ABCG1: variants seen among roughly 807,000 people sequenced by gnomAD.
The protein encoded by ABCG1 is ATP binding cassette subfamily G member 1.
In ABCG1, 29 loss-of-function variants were observed where a neutral mutation model predicts 69.2. That is an observed-to-expected ratio of 0.42 (90% CI 0.31 to 0.57). The LOEUF (loss-of-function observed/expected upper bound fraction) is 0.57. ABCG1 is among the 20% of genes least tolerant of loss of function. The probability of loss-of-function intolerance (pLI) is 0.15; values close to 1 mark genes in which losing one functional copy is unlikely to be tolerated. For synonymous variants in ABCG1, 370 were observed against 374.8 expected (o/e 0.99, Z 0.15); for missense variants, 718 against 898.1 (o/e 0.80, Z 2.56).
At chr21:42,256,757 G>A (rs2068312605) in intron 2 of ABCG1, 1 of 1,330,222 alleles carries the variant, frequency 7.5e-7, no homozygotes, top group African/African-American at 1.5e-5. Flanking sequence ...ATGATCACGA[G>A]CTTAAGGAAC....
chr21:42,296,056 AG>A lies in ABCG1; in HGVS notation c.1773-106del. On this transcript the variant is annotated intron_variant, in intron 14 of 14. Transcript: ENST00000398449. The surrounding 1 kb of genome is among the most constrained non-coding windows in gnomAD (Gnocchi z 5.4). ...GGGGAAGGCGGCCCTTTGGGAAGGG[AG>A]GATAGCCAAGCTGGGAATCGCAGGG... 2 of 908,140 alleles carry A rather than the reference AG, an allele frequency of 2.2e-6. No individual in the cohort carries two copies. 56.3% of individuals were successfully genotyped at this position (908,140 alleles called of 1,614,324 possible).
intron 2 of ABCG1, among the ~76,000 whole-genome samples, chr21:42,245,648 T>C: frequency 6.6e-6 from 1 of 152,220 alleles, no homozygotes; most frequent in Admixed American, 6.5e-5. Context: ...CCCAGAAGGC[T>C]GGATCTGCAA....
Position 42,288,107 on chromosome 21 carries a change from T to C in ABCG1, c.1122+70T>C, listed in dbSNP as rs1002569102. The C allele has an allele frequency of 4.4e-6, 7 of 1,607,490 alleles. No homozygotes were observed. In the Admixed American group the frequency reaches 6.7e-5, roughly 15 times the overall value. On this transcript the variant is annotated intron_variant, in intron 9 of 14. Coordinates refer to ENST00000398449, the MANE Select transcript of ABCG1 (RefSeq NM_016818.3). The surrounding 1 kb of genome is among the most constrained non-coding windows in gnomAD (Gnocchi z 4.8). ...AATCCCGAAGCCCCCTGGGGGAGGC[T>C]GCACGTGGCACCGTGCACTGCTGCA...
chr21:42,259,112 C>T (rs758544051), intron 2 of ABCG1, among the ~76,000 whole-genome samples: 4 of 152,218 alleles, frequency 2.6e-5, no homozygotes, highest in Non-Finnish European at 5.9e-5. Context: ...GGGTGCATCC[C>T]CAGCCTTAGC....
intron 2 of ABCG1, among the ~76,000 whole-genome samples, chr21:42,230,814 T>C (rs901464677): frequency 6.6e-6 from 1 of 152,212 alleles, no homozygotes; most frequent in African/African-American, 2.4e-5. Flanking sequence ...ATTTGGCTCA[T>C]GGGGCCGATT....
intron 2 of ABCG1, among the ~76,000 whole-genome samples, chr21:42,264,930 A>G (rs772065600): frequency 5.9e-5 from 9 of 152,208 alleles, no homozygotes; most frequent in Admixed American, 1.3e-4. Flanking sequence ...CCTTGAGGCC[A>G]CTAGCTCTCA....
At position 42,219,764 on chromosome 21, in the gene ABCG1, A is replaced by G; in HGVS notation, c.42+460A>G. The G allele has an allele frequency of 7.2e-7, 1 of 1,382,168 alleles. No individual in the cohort carries two copies. The highest frequency in any genetic ancestry group is 9.4e-7 in the Non-Finnish European group (1 of 1,062,124). The allele number at this position is 1,382,168 out of a possible 1,614,324, so 85.6% of individuals were successfully genotyped here. A position where few individuals can be genotyped will look rare whatever the true frequency, so the allele number is the denominator to read the frequency against. ...ACCGGGGACTTCTCGCGCCATCCCC[A>G]GGAACGCCAGGCAAGGTCTGGGGGA... On this transcript the variant is annotated intron_variant, in intron 1 of 14. Transcript: ENST00000398449. The surrounding 1 kb of genome is among the most constrained non-coding windows in gnomAD (Gnocchi z 5.3).
At position 42,296,517 on chromosome 21, in the gene ABCG1, C is replaced by A; in HGVS notation, c.*125C>A. 1.2e-6 allele frequency: 1 copy of A among 869,124 alleles called. No homozygotes were observed. The highest frequency in any genetic ancestry group is 1.8e-6 in the Non-Finnish European group (1 of 556,874). The allele number at this position is 869,124 out of a possible 1,614,324, so 53.8% of individuals were successfully genotyped here. A position where few individuals can be genotyped will look rare whatever the true frequency, so the allele number is the denominator to read the frequency against. On this transcript the variant is annotated 3_prime_UTR_variant, in exon 15 of 15. Transcript: ENST00000398449. The surrounding 1 kb of genome is among the most constrained non-coding windows in gnomAD (Gnocchi z 5.4). ...TCTTCTGATCCAACCCCTAGAACCG[C>A]GTTGGGTTTGTGGGTGTCTCGTGCT... is the stretch of plus-strand genomic sequence containing the variant.
chr21:42,272,852 C>T (rs1309709057), intron 3 of ABCG1, among the ~76,000 whole-genome samples: 1 of 152,256 alleles, frequency 6.6e-6, no homozygotes, highest in African/African-American at 2.4e-5. Context: ...CTTCCCAGGC[C>T]TGAAGTCTGC....
At chr21:42,217,050 T>C (rs993968389), upstream of ABCG1, among the ~76,000 whole-genome samples, 1 of 152,052 alleles carries the variant, frequency 6.6e-6, no homozygotes, top group Non-Finnish European at 1.5e-5. Flanking sequence ...ATCCTCACGC[T>C]CCACACACCA....
chr21:42,265,273 G>A (rs1165201877), intron 2 of ABCG1, among the ~76,000 whole-genome samples: 1 of 152,204 alleles, frequency 6.6e-6, no homozygotes, highest in Admixed American at 6.5e-5. Flanking sequence ...ATTGTGCTCT[G>A]CTGTGGGTTG....
chr21:42,235,831 C>T (rs562523612), intron 2 of ABCG1, among the ~76,000 whole-genome samples: 3 of 152,178 alleles, frequency 2.0e-5, no homozygotes, highest in South Asian at 2.1e-4. Context: ...TCAGACGGAC[C>T]GCCACTTCCC....
intron 2 of ABCG1, chr21:42,201,809 T>G: frequency 6.2e-7 from 1 of 1,603,374 alleles, no homozygotes; most frequent in Non-Finnish European, 8.5e-7. Flanking sequence ...GTGGGCCTGA[T>G]GTAGTCTAGA....
chr21:42,278,292 C>T (rs1346043454), intron 5 of ABCG1, among the ~76,000 whole-genome samples: 1 of 152,076 alleles, frequency 6.6e-6, no homozygotes, highest in Non-Finnish European at 1.5e-5. Context: ...AGACACCCCC[C>T]CACAACACAC....
At chr21:42,250,010 A>C (rs2068193828) in intron 2 of ABCG1, among the ~76,000 whole-genome samples, 1 of 151,822 alleles carries the variant, frequency 6.6e-6, no homozygotes, top group South Asian at 2.1e-4. Flanking sequence ...ATCTCAAAAA[A>C]AAAAAAAAAG....
At chr21:42,253,578 G>A (rs1248273444) in intron 2 of ABCG1, among the ~76,000 whole-genome samples, 1 of 152,060 alleles carries the variant, frequency 6.6e-6, no homozygotes, top group East Asian at 1.9e-4. Flanking sequence ...CGAGGGTCTT[G>A]GAAGGCCTGG....
chr21:42,219,231 G>C lies in ABCG1; in HGVS notation c.-32G>C. On this transcript the variant is annotated 5_prime_UTR_variant, in exon 1 of 15. Coordinates refer to ENST00000398449, the MANE Select transcript of ABCG1 (RefSeq NM_016818.3). The surrounding 1 kb of genome is among the most constrained non-coding windows in gnomAD (Gnocchi z 5.3). ...CAGCTCAAGCCTCGTCCCCGCCGCC[G>C]CCGCCGCCGCCGCCGCCGCCGCCCC... 7.1e-7 allele frequency: 1 copy of C among 1,412,374 alleles called. No homozygotes were observed. Among genetic ancestry groups the C allele is most frequent in the Non-Finnish European group, 9.4e-7 (1 of 1,066,086 alleles). 87.5% of individuals were successfully genotyped at this position (1,412,374 alleles called of 1,614,324 possible).
intron 2 of ABCG1, among the ~76,000 whole-genome samples, chr21:42,264,871 G>A (rs1461862059): frequency 6.6e-6 from 1 of 152,132 alleles, no homozygotes; most frequent in Non-Finnish European, 1.5e-5. Flanking sequence ...CGTGCATGGG[G>A]AGGGTTGGGT....
chr21:42,271,120 T>C lies in ABCG1; in HGVS notation c.337T>C (p.Leu113=), dbSNP rs757350026. 3 of 1,583,656 alleles carry C rather than the reference T, an allele frequency of 1.9e-6. No homozygotes were observed. Among genetic ancestry groups the C allele is most frequent in the Non-Finnish European group, 2.6e-6 (3 of 1,167,446 alleles). The change falls in exon 3 of 15, where the codon TTG becomes CTG. Residue 113 remains leucine (L), a synonymous_variant. Transcript: ENST00000398449. The part of the protein sequence containing the change: ...GISGKFNSGE[L]VAIMGPSGAG... ...TTCCGGGAAGTTCAATAGTGGTGAGTTGGTGGCCATTATGGGTCCTTCCGG... is the reference window on the plus strand; with the variant it reads ...TTCCGGGAAGTTCAATAGTGGTGAGCTGGTGGCCATTATGGGTCCTTCCGG...
Sources: gnomAD v4.1 joint callset for allele counts (sites outside exome capture counted in the v4.1 genomes callset) on GRCh38, gnomAD v4.1.1 for gene constraint, Gnocchi (gnomAD v3.1) non-coding constraint, MANE v1.5 for transcripts, NCBI Gene and HGNC (gene_info 2026-07-23, HGNC 2026-07-21) for gene names.